OSBPL9: variants seen among roughly 807,000 people sequenced by gnomAD.
The protein encoded by OSBPL9 is oxysterol-binding protein-related protein 9.
In OSBPL9, 40 loss-of-function variants were observed where a neutral mutation model predicts 106.6. That is an observed-to-expected ratio of 0.38 (90% CI 0.29 to 0.49). OSBPL9 has a LOEUF of 0.49. OSBPL9 is among the 20% of genes least tolerant of loss of function. The pLI, the probability that OSBPL9 is intolerant of heterozygous loss-of-function variation, is 0.97. For synonymous variants in OSBPL9, 269 were observed against 295.4 expected, an observed-to-expected ratio of 0.91 and a Z score of 0.92; for missense variants, 609 against 887.2, an observed-to-expected ratio of 0.69 and a Z score of 3.98.
intron 1 of OSBPL9, among the ~76,000 whole-genome samples, chr1:51,628,599 A>G (rs1644914888): frequency 6.6e-6 from 1 of 152,070 alleles, no homozygotes; most frequent in South Asian, 2.1e-4. Context: ...AATAAAAAAG[A>G]AAAGAGAAAA....
Position 51,788,858 on chromosome 1 carries a change from C to CT in OSBPL9, c.*1069_*1070insT, listed in dbSNP as rs1678347099. Among the ~76,000 whole-genome samples the CT allele has an allele frequency of 1.3e-5, 2 of 151,034 alleles. No individual in the cohort carries two copies. The highest frequency in any genetic ancestry group is 2.4e-5 in the African/African-American group (1 of 40,946). On this transcript the variant is annotated 3_prime_UTR_variant, in exon 24 of 24. Coordinates refer to ENST00000428468, the MANE Select transcript of OSBPL9 (RefSeq NM_024586.6). ...GAACTATATCTATCTATCTATCTAT[C>CT]ATCTTTTTTATTTAAAAATACATTA...
the OSBPL9 span, chr1:51,519,052 C>G: frequency 2.2e-6 from 1 of 454,326 alleles, no homozygotes; most frequent in Admixed American, 4.5e-5. Flanking sequence ...GCAGTCGCAC[C>G]CGCTTTCCCT....
the OSBPL9 span, among the ~76,000 whole-genome samples, chr1:51,552,373 A>C: frequency 6.6e-6 from 1 of 152,168 alleles, no homozygotes; most frequent in African/African-American, 2.4e-5. Flanking sequence ...ATATACCAGG[A>C]ACTTATAAGA....
At chr1:51,745,492 T>G (rs760170399) in intron 4 of OSBPL9, 44 bp from the exon 5 acceptor site, 4 of 1,595,490 alleles carry the variant, frequency 2.5e-6, no homozygotes, top group Non-Finnish European at 2.6e-6. Flanking sequence ...CTATTAAACT[T>G]TGCTTGGGTT....
the OSBPL9 span, among the ~76,000 whole-genome samples, chr1:51,531,087 A>C: frequency 6.6e-6 from 1 of 152,130 alleles, no homozygotes; most frequent in East Asian, 1.9e-4. Flanking sequence ...CAGCCTGGCC[A>C]ACATGATGAA....
chr1:51,606,776 C>T (rs1426046681), intron 2 of OSBPL9, among the ~76,000 whole-genome samples: 4 of 152,058 alleles, frequency 2.6e-5, no homozygotes, highest in Non-Finnish European at 4.4e-5. Context: ...ATGCCGGGCG[C>T]GGTGGCTCAC....
chr1:51,764,454 T>C (rs1672148302), intron 11 of OSBPL9, among the ~76,000 whole-genome samples: 1 of 152,214 alleles, frequency 6.6e-6, no homozygotes, highest in South Asian at 2.1e-4. Context: ...GGTTAAACTT[T>C]TTGTGTTATC....
At chr1:51,747,852 T>C (rs573835903) in intron 6 of OSBPL9, among the ~76,000 whole-genome samples, 74 of 152,202 alleles carry the variant, frequency 4.9e-4, no homozygotes, top group Non-Finnish European at 1.0e-3. Flanking sequence ...TGCAGTGGCG[T>C]GATCTCGGCT....
chr1:51,731,732 G>T (rs1368997062), intron 4 of OSBPL9, among the ~76,000 whole-genome samples: 2 of 150,320 alleles, frequency 1.3e-5, no homozygotes, highest in African/African-American at 2.5e-5. Context: ...AGCCGAGATC[G>T]TGCCACTGCA....
At chr1:51,706,567 T>A (rs976889776) in intron 3 of OSBPL9, among the ~76,000 whole-genome samples, 17 of 151,954 alleles carry the variant, frequency 1.1e-4, no homozygotes, top group African/African-American at 4.1e-4. Flanking sequence ...ATCTATTGAA[T>A]GTTTGCCCTC....
chr1:51,694,174 T>G (rs1655558237), intron 3 of OSBPL9, among the ~76,000 whole-genome samples: 1 of 152,210 alleles, frequency 6.6e-6, no homozygotes, highest in Non-Finnish European at 1.5e-5. Flanking sequence ...AAATTAAAAC[T>G]GAGGGATTTT....
intron 21 of OSBPL9, 80 bp downstream of exon 21, chr1:51,785,966 A>T: frequency 1.7e-6 from 2 of 1,172,092 alleles, no homozygotes. Context: ...CTTCATTAGT[A>T]CTTCCTTCAT....
At chr1:51,653,872 C>A (rs2148711234) in intron 2 of OSBPL9, among the ~76,000 whole-genome samples, 1 of 152,196 alleles carries the variant, frequency 6.6e-6, no homozygotes, top group South Asian at 2.1e-4. Flanking sequence ...TGTGGTGACA[C>A]ATGCCTATAG....
intron 3 of OSBPL9, among the ~76,000 whole-genome samples, chr1:51,689,019 C>G (rs1654409764): frequency 6.6e-6 from 1 of 152,144 alleles, no homozygotes; most frequent in Non-Finnish European, 1.5e-5. Flanking sequence ...GGTTGTTTAC[C>G]AGGAATATTA....
In OSBPL9 at chr1:51,634,541, C is replaced by T. The variant is rs1204406259; in HGVS notation, c.111+17320C>T. ...CCAGATTAACAGGAGAAAAGGTATA[C>T]AAATTTATTCACGTGCATAAGCATG... On this transcript the variant is annotated intron_variant, in intron 1 of 23. Coordinates refer to ENST00000428468, the MANE Select transcript of OSBPL9 (RefSeq NM_024586.6). Among the ~76,000 whole-genome samples, 9 of 152,146 alleles carry T rather than the reference C, an allele frequency of 5.9e-5. No homozygotes were observed. In the East Asian group the frequency reaches 1.7e-3, roughly 29 times the overall value.
At position 51,678,489 on chromosome 1, in the gene OSBPL9, C is replaced by T. The variant is rs112432284; in HGVS notation, c.241+8977C>T. Among the ~76,000 whole-genome samples, 1,091 of 151,958 alleles carry T rather than the reference C, an allele frequency of 7.2e-3. 10 individuals carry two copies. The highest frequency in any genetic ancestry group is 0.025 in the African/African-American group (1,049 of 41,452). On this transcript the variant is annotated intron_variant, in intron 3 of 23. Coordinates refer to ENST00000428468, the MANE Select transcript of OSBPL9 (RefSeq NM_024586.6). ...CAGCCTGGCCAACATGGGGAAACCC[C>T]GTCTCTACTAAAAATGCAAAAATAG...
intron 1 of OSBPL9, among the ~76,000 whole-genome samples, chr1:51,642,285 G>C (rs1317559982): frequency 6.6e-6 from 1 of 152,122 alleles, no homozygotes; most frequent in African/African-American, 2.4e-5. Flanking sequence ...TGTGTAATAG[G>C]TCAATATTCT....
intron 4 of OSBPL9, among the ~76,000 whole-genome samples, chr1:51,723,179 A>G (rs1378403707): frequency 6.6e-6 from 1 of 152,208 alleles, no homozygotes; most frequent in Non-Finnish European, 1.5e-5. Context: ...CGTAGTTTAC[A>G]TTAGAGTCCA....
At chr1:51,610,018 A>T (rs1396655606) in intron 2 of OSBPL9, among the ~76,000 whole-genome samples, 2 of 151,860 alleles carry the variant, frequency 1.3e-5, no homozygotes, top group Non-Finnish European at 2.9e-5. Context: ...AAGTGCTGGG[A>T]TTACAGGTGT....
Sources: allele counts gnomAD v4.1 joint callset (sites outside exome capture counted in the v4.1 genomes callset), GRCh38; gene constraint gnomAD v4.1.1; transcripts MANE v1.5; gene names NCBI Gene and HGNC (gene_info 2026-07-23, HGNC 2026-07-21).